SLC41A2: variants seen among roughly 807,000 people sequenced by gnomAD.
SLC41A2 encodes solute carrier family 41 member 2.
A neutral mutation model predicts 58.3 loss-of-function variants in SLC41A2; 32 were observed. The observed-to-expected ratio is 0.55, with a 90% CI of 0.41 to 0.74. SLC41A2 has a LOEUF of 0.74. SLC41A2 is among the 30% of genes least tolerant of loss of function. The pLI is 0.00. For synonymous variants in SLC41A2, 190 were observed against 235.0 expected (o/e 0.81, Z 1.75); for missense variants, 514 against 680.6 (o/e 0.76, Z 2.72).
At chr12:104,899,694 A>G (rs768789616) in intron 3 of SLC41A2, among the ~76,000 whole-genome samples, 6 of 152,136 alleles carry the variant, frequency 3.9e-5, no homozygotes, top group Admixed American at 6.5e-5. Context: ...AGATTTCTTT[A>G]TAAGTTTCCA....
chr12:104,868,565 C>T (rs751765099), intron 6 of SLC41A2, among the ~76,000 whole-genome samples: 9 of 151,792 alleles, frequency 5.9e-5, no homozygotes, highest in African/African-American at 1.2e-4. Flanking sequence ...CAGAGTTTAA[C>T]TTGACCCAGC....
At chr12:104,909,230 G>A (rs2045977474) in intron 3 of SLC41A2, among the ~76,000 whole-genome samples, 1 of 152,150 alleles carries the variant, frequency 6.6e-6, no homozygotes, top group African/African-American at 2.4e-5. Context: ...ATTAGTAGAG[G>A]TTATATCTAA....
chr12:104,809,114 T>TAAGA (rs2041057678), intron 10 of SLC41A2, among the ~76,000 whole-genome samples: 1 of 152,244 alleles, frequency 6.6e-6, no homozygotes, highest in East Asian at 1.9e-4. Context: ...ACTTACCTTG[T>TAAGA]AAGAATGTTC....
chr12:104,831,195 A>G (rs992618951), intron 10 of SLC41A2, among the ~76,000 whole-genome samples: 1 of 152,154 alleles, frequency 6.6e-6, no homozygotes, highest in Non-Finnish European at 1.5e-5. Context: ...ATGAGCCACC[A>G]CACTCAGCCT....
intron 2 of SLC41A2, among the ~76,000 whole-genome samples, chr12:104,926,646 A>T (rs2046855007): frequency 6.6e-6 from 1 of 152,182 alleles, no homozygotes; most frequent in Non-Finnish European, 1.5e-5. Flanking sequence ...CATAAATTTT[A>T]AAAATAAATA....
chr12:104,830,083 A>T (rs577819905), intron 10 of SLC41A2, among the ~76,000 whole-genome samples: 2 of 152,300 alleles, frequency 1.3e-5, no homozygotes, highest in East Asian at 3.9e-4. Context: ...TCCCATTACC[A>T]AATAATGGAA....
At chr12:104,824,073 G>A (rs980286606) in intron 10 of SLC41A2, among the ~76,000 whole-genome samples, 1 of 152,150 alleles carries the variant, frequency 6.6e-6, no homozygotes, top group Admixed American at 6.5e-5. Context: ...GTGAAGGGAA[G>A]TGCTGAAGGG....
chr12:104,873,421 C>T (rs1353576442), intron 6 of SLC41A2, among the ~76,000 whole-genome samples: 1 of 152,104 alleles, frequency 6.6e-6, no homozygotes, highest in Non-Finnish European at 1.5e-5. Context: ...TTATTATTTA[C>T]TCATCCATCA....
intron 3 of SLC41A2, among the ~76,000 whole-genome samples, chr12:104,906,388 T>G (rs1044406127): frequency 1.3e-5 from 2 of 152,038 alleles, no homozygotes; most frequent in Non-Finnish European, 2.9e-5. Context: ...TAGATGGAGC[T>G]TGGACATGGG....
At chr12:104,903,764 C>A (rs1218639723) in intron 3 of SLC41A2, among the ~76,000 whole-genome samples, 1 of 152,132 alleles carries the variant, frequency 6.6e-6, no homozygotes, top group African/African-American at 2.4e-5. Flanking sequence ...ATCTTCTTAT[C>A]AGTAGCACAG....
At position 104,947,194 on chromosome 12, in the gene SLC41A2, C is replaced by CTTTTTTTTTTTTT. The variant is rs1491116311; in HGVS notation, c.-168+10893_-168+10894insAAAAAAAAAAAAA. On this transcript the variant is annotated intron_variant, in intron 1 of 10. Coordinates refer to ENST00000258538, the MANE Select transcript of SLC41A2 (RefSeq NM_001352171.3). ...CTGAATTTCTGGCTTTTATTTTTGT[C>CTTTTTTTTTTTTT]CTTTTTTTTTTTTTTTTTTTTTTTT... Among the ~76,000 whole-genome samples, 126 of 53,682 alleles carry CTTTTTTTTTTTTT rather than the reference C, an allele frequency of 2.3e-3. 32 individuals are homozygous for CTTTTTTTTTTTTT. The highest frequency in any genetic ancestry group is 0.01 in the Middle Eastern group (1 of 100). The allele number at this position is 53,682 out of a possible 152,430, so 35.2% of individuals were successfully genotyped here. A position where few individuals can be genotyped will look rare whatever the true frequency, so the allele number is the denominator to read the frequency against.
chr12:104,917,664 T>C (rs545379631), intron 2 of SLC41A2, among the ~76,000 whole-genome samples: 10 of 151,966 alleles, frequency 6.6e-5, no homozygotes, highest in Non-Finnish European at 1.0e-4. Context: ...GATGAGTTCA[T>C]GTCCTTTGTA....
intron 1 of SLC41A2, among the ~76,000 whole-genome samples, chr12:104,934,313 C>G (rs2248986): frequency 6.6e-6 from 1 of 152,032 alleles, no homozygotes; most frequent in Non-Finnish European, 1.5e-5. Context: ...AATAGTAGCA[C>G]AGCTGGGAAG....
Position 104,844,601 on chromosome 12 carries a change from A to G in SLC41A2, c.1407T>C (p.Ala469=). 6.5e-7 allele frequency: 1 copy of G among 1,540,714 alleles called. No individual in the cohort carries two copies. The highest frequency in any genetic ancestry group is 8.7e-7 in the Non-Finnish European group (1 of 1,146,368). Reference sequence around the variant, plus strand: ...GAATCACTAAAAGCAGTAGAACTTGAGCAGACTTATTATTTACTCCTGTAA... The same window carrying G: ...GAATCACTAAAAGCAGTAGAACTTGGGCAGACTTATTATTTACTCCTGTAA... ...FFGPGVNNKS[A]QVLLLLVIPG... Residue 469 remains alanine (A), a synonymous_variant, in exon 10 of 11, where the codon GCT becomes GCC. Transcript: ENST00000258538.
intron 1 of SLC41A2, among the ~76,000 whole-genome samples, chr12:104,937,546 T>C (rs1161538348): frequency 2.0e-5 from 3 of 152,180 alleles, no homozygotes; most frequent in African/African-American, 7.2e-5. Context: ...GGCTCTACCA[T>C]CTAGGTTTGT....
At chr12:104,825,373 G>A (rs752407303) in intron 10 of SLC41A2, among the ~76,000 whole-genome samples, 9 of 152,192 alleles carry the variant, frequency 5.9e-5, no homozygotes, top group East Asian at 1.9e-4. Flanking sequence ...CAGATAGGGC[G>A]CTTCTCGCCT....
intron 10 of SLC41A2, among the ~76,000 whole-genome samples, chr12:104,806,431 A>G (rs573774688): frequency 2.0e-5 from 3 of 152,280 alleles, no homozygotes; most frequent in East Asian, 1.9e-4. Flanking sequence ...TCCATGGTGT[A>G]TATGTGCCAC....
In SLC41A2 at chr12:104,928,341, C is replaced by T. The variant is rs749161180; in HGVS notation, c.187G>A (p.Gly63Ser). ...GTTGATAATCCATCTTGCCAAATGCCGTTTGCTTTTTTGTGCCTGTCTTCT... is the reference window on the plus strand; with the variant it reads ...GTTGATAATCCATCTTGCCAAATGCTGTTTGCTTTTTTGTGCCTGTCTTCT... The part of the protein sequence containing the change: ...NQEDRHKKAN[G>S]IWQDGLSTAV... Residue 63 changes from glycine to serine, a missense_variant, in exon 2 of 11, where the codon GGC becomes AGC. Around this residue, in one of 3 missense-constraint regions of SLC41A2, gnomAD observed 336 missense variants for 430.0 expected, o/e 0.78. Transcript: ENST00000258538. The T allele has an allele frequency of 4.3e-6, 7 of 1,611,434 alleles. No individual in the cohort carries two copies. Among genetic ancestry groups the T allele is most frequent in the East Asian group, 2.2e-5 (1 of 44,814 alleles).
At chr12:104,880,525 AGG>A (rs2044309697) in intron 6 of SLC41A2, among the ~76,000 whole-genome samples, 2 of 152,190 alleles carry the variant, frequency 1.3e-5, no homozygotes, top group South Asian at 2.1e-4. Flanking sequence ...TTTAGCATGA[AGG>A]GCTGTTGAAT....
Sources: allele counts gnomAD v4.1 joint callset (sites outside exome capture counted in the v4.1 genomes callset), GRCh38; gene constraint gnomAD v4.1.1; regional missense constraint gnomAD v4.1.1; transcripts MANE v1.5; gene names NCBI Gene and HGNC (gene_info 2026-07-23, HGNC 2026-07-21).